Variants in SAGE1 observed in about 807,000 individuals in gnomAD.
SAGE1 encodes cancer/testis antigen 14.
Under a neutral mutation model 55.4 loss-of-function variants are expected in SAGE1, and 55 were observed. That is an observed-to-expected ratio of 0.99 (90% CI 0.80 to 1.24). SAGE1 has a LOEUF of 1.24. Among genes scored for constraint, SAGE1 ranks in the 50% most tolerant of loss-of-function variants. The pLI is 0.00. For synonymous variants in SAGE1, 240 were observed against 244.3 expected, an observed-to-expected ratio of 0.98 and a Z score of 0.17; for missense variants, 710 against 704.4, an observed-to-expected ratio of 1.01 and a Z score of -0.09.
Position 135,911,246 on chromosome X carries a change from C to A in SAGE1, c.2060C>A (p.Ala687Glu), listed in dbSNP as rs781824560. Residue 687 changes from alanine to glutamate, a missense_variant, in exon 17 of 20, where the codon GCA becomes GAA. Ala to Glu is a moderately radical substitution (Grantham distance 107). Coordinates refer to ENST00000370709, the MANE Select transcript of SAGE1 (RefSeq NM_001381902.1). The stretch of plus-strand genomic sequence containing the variant: ...GAGAAGATGACAAATGGCCAACAGG[C>A]ACCTGATAACTCCTTGTCAACGGTT... ...HEEKMTNGQQAPDNSLSTVPP... is the reference protein window; with the variant it reads ...HEEKMTNGQQEPDNSLSTVPP... 2.5e-5 allele frequency: 30 copies of A among 1,206,271 alleles called. No homozygotes were observed. The highest frequency in any genetic ancestry group is 3.5e-5 in the South Asian group (2 of 56,708).
chrX:135,906,422 A>G lies in SAGE1; in HGVS notation c.607A>G (p.Thr203Ala), dbSNP rs145404090. 739 of 1,208,412 alleles carry G rather than the reference A, an allele frequency of 6.1e-4. No individual in the cohort carries two copies. The highest frequency in any genetic ancestry group is 7.8e-4 in the Non-Finnish European group (701 of 894,100). ...CCTTTGGTTTCCAGATGCTACAGTC[A>G]CTCACAATGTCTGTGAACAGAAGAT... ...MSARDLYATV[T>A]HNVCEQKMEN... The change falls in exon 7 of 20, where the codon ACT (threonine) becomes GCT (alanine). Residue 203 changes from threonine to alanine, a missense_variant. Transcript: ENST00000370709.
At position 135,909,772 on chromosome X, in the gene SAGE1, G is replaced by A. The variant is rs1556605051; in HGVS notation, c.1716G>A (p.Arg572=). ...TVAGIPAMST[R]DQYATVTHNV... The stretch of plus-strand genomic sequence containing the variant: ...CTGGTATTCCGGCCATGAGTACCAG[G>A]GATCAGTGTATGTTTGCTTATTCAG... Residue 572 remains arginine, a synonymous_variant, in exon 14 of 20, where the codon AGG becomes AGA. Transcript: ENST00000370709. The A allele has an allele frequency of 8.3e-7, 1 of 1,198,819 alleles. No individual in the cohort carries two copies. Among genetic ancestry groups the A allele is most frequent in the Non-Finnish European group, 1.1e-6 (1 of 888,820 alleles).
chrX:135,897,422 A>C (rs2088603687), intron 2 of SAGE1, among the ~76,000 whole-genome samples: 1 of 111,805 alleles, frequency 8.9e-6, no homozygotes, highest in African/African-American at 3.3e-5. Context: ...CTTTTTTAAC[A>C]ATAGTCATAA....
Position 135,901,825 on chromosome X carries a change from T to A in SAGE1, c.220+134T>A, listed in dbSNP as rs1231387945. Reference sequence around the variant, plus strand: ...TCTAATTAGGTGCAACAATTTGGAGTTGTTGCAAGCGTTAGATGAATGAAG... The same window carrying A: ...TCTAATTAGGTGCAACAATTTGGAGATGTTGCAAGCGTTAGATGAATGAAG... On this transcript the variant is annotated intron_variant, in intron 3 of 19. Coordinates refer to ENST00000370709, the MANE Select transcript of SAGE1 (RefSeq NM_001381902.1). 4.8e-6 allele frequency: 3 copies of A among 619,418 alleles called. No individual in the cohort carries two copies. In the African/African-American group the frequency reaches 6.8e-5, roughly 14 times the overall value. 51.0% of individuals were successfully genotyped at this position (619,418 alleles called of 1,213,427 possible).
intron 1 of SAGE1, among the ~76,000 whole-genome samples, 129 bp downstream of exon 1, chrX:135,893,910 T>C (rs1196310459): frequency 8.9e-6 from 1 of 112,221 alleles, no homozygotes; most frequent in Non-Finnish European, 1.9e-5. Flanking sequence ...TGCTAAGTAC[T>C]GGTATTATTT....
At chrX:135,906,881 A>G (rs782352416) in intron 7 of SAGE1, 45 bp from the exon 8 acceptor site, 23 of 1,183,227 alleles carry the variant, frequency 1.9e-5, no homozygotes, top group South Asian at 7.5e-5. Flanking sequence ...TGGGGTTACC[A>G]TAATACACTT....
chrX:135,907,919 ATTG>A, intron 10 of SAGE1, 78 bp downstream of exon 10: 4 of 1,095,514 alleles, frequency 3.7e-6, no homozygotes, highest in Non-Finnish European at 5.0e-6. Context: ...AGAAGACGGT[ATTG>A]TTGTATTATG....
intron 8 of SAGE1, 86 bp from the exon 9 acceptor site, chrX:135,907,227 C>A (rs1220167938): frequency 6.9e-5 from 75 of 1,090,331 alleles, no homozygotes; most frequent in African/African-American, 9.2e-5. Flanking sequence ...GCAATAATTT[C>A]TTAGAAGCTG....
At chrX:135,900,147 A>G (rs781971565) in intron 2 of SAGE1, among the ~76,000 whole-genome samples, 5 of 110,538 alleles carry the variant, frequency 4.5e-5, no homozygotes, top group Non-Finnish European at 7.6e-5. Flanking sequence ...TATGGCTCTT[A>G]TTATTTTGAG....
At position 135,913,001 on chromosome X, in the gene SAGE1, C is replaced by A; in HGVS notation, c.*104C>A. 1.9e-6 allele frequency: 1 copy of A among 513,195 alleles called. No homozygotes were observed. Among genetic ancestry groups the A allele is most frequent in the African/African-American group, 2.4e-5 (1 of 41,951 alleles). 42.3% of individuals were successfully genotyped at this position (513,195 alleles called of 1,213,427 possible). ...ATCCTGAAATGAAGAGAATTCCCTT[C>A]CAGAAGCTACGAAAAAGGGAGCTGT... On this transcript the variant is annotated 3_prime_UTR_variant, in exon 20 of 20. Coordinates refer to ENST00000370709, the MANE Select transcript of SAGE1 (RefSeq NM_001381902.1).
At position 135,909,035 on chromosome X, in the gene SAGE1, C is replaced by A. The variant is rs782598758; in HGVS notation, c.1582+31C>A. 6.1e-5 allele frequency: 71 copies of A among 1,167,322 alleles called. 1 individual carries two copies. In the East Asian group the frequency reaches 1.9e-3, roughly 31 times the overall value. On this transcript the variant is annotated intron_variant, in intron 13 of 19. Coordinates refer to ENST00000370709, the MANE Select transcript of SAGE1 (RefSeq NM_001381902.1). Reference sequence around the variant, plus strand: ...TCTGTTAATTAGTTGTACTGTCATACTTGGTTTACATATGCATGCATATTT... The same window carrying A: ...TCTGTTAATTAGTTGTACTGTCATAATTGGTTTACATATGCATGCATATTT...
intron 3 of SAGE1, 106 bp downstream of exon 3, chrX:135,901,797 G>T: frequency 1.3e-6 from 1 of 778,193 alleles, no homozygotes; most frequent in Non-Finnish European, 1.8e-6. Context: ...GGAAGGGCAA[G>T]GTTCTAATTA....
intron 12 of SAGE1, 106 bp from the exon 13 acceptor site, chrX:135,908,758 C>T: frequency 1.9e-6 from 2 of 1,077,549 alleles, no homozygotes; most frequent in South Asian, 2.1e-5. Context: ...ATGTATTATC[C>T]TGCTTTATGG....
rs782107443 is a variant in SAGE1, at chrX:135,911,684, C to T, written c.2252C>T (p.Thr751Ile). ...GATTCACCAGAGCTGATAAATATGA[C>T]AGGACATTGTATGCCACCCAATGCA... ...NSDSPELINM[T>I]GHCMPPNALD... is the part of the protein sequence containing the mutation. The change falls in exon 18 of 20, where the codon ACA becomes ATA. Residue 751 changes from threonine (T) to isoleucine (I), a missense_variant. Coordinates refer to ENST00000370709, the MANE Select transcript of SAGE1 (RefSeq NM_001381902.1). 20 of 1,208,567 alleles carry T rather than the reference C, an allele frequency of 1.7e-5. No homozygotes were observed. In the South Asian group the frequency reaches 3.5e-4, roughly 21 times the overall value.
intron 3 of SAGE1, 94 bp downstream of exon 3, chrX:135,901,785 G>T: frequency 1.2e-6 from 1 of 853,398 alleles, no homozygotes; most frequent in Non-Finnish European, 1.6e-6. Context: ...ACATTTGCAA[G>T]TGGAAGGGCA....
At chrX:135,894,341 G>A (rs1324950544) in intron 1 of SAGE1, among the ~76,000 whole-genome samples, 2 of 113,005 alleles carry the variant, frequency 1.8e-5, no homozygotes, top group Non-Finnish European at 3.7e-5. Context: ...CAAAGTGCTG[G>A]GATTACAGGC....
rs781949967 is a variant in SAGE1 at position 135,897,758 on chromosome X, C to T, written c.87+1429C>T. On this transcript the variant is annotated intron_variant, in intron 2 of 19. Transcript: ENST00000370709. Reference sequence around the variant, plus strand: ...ACGTGTGGCATGGTGGCTTACTGCACCTATGAACCCATCACCTTGGTATTA... The same window carrying T: ...ACGTGTGGCATGGTGGCTTACTGCATCTATGAACCCATCACCTTGGTATTA... Among the ~76,000 whole-genome samples, 4 of 111,025 alleles carry T rather than the reference C, an allele frequency of 3.6e-5. No homozygotes were observed. The East Asian group carries it at 1.1e-3, about 32-fold the overall frequency.
rs2088806421 is a variant in SAGE1, at chrX:135,907,006, T to C, written c.817T>C (p.Ser273Pro). The C allele has an allele frequency of 8.3e-7, 1 of 1,210,208 alleles. No individual in the cohort carries two copies. The highest frequency in any genetic ancestry group is 1.7e-5 in the African/African-American group (1 of 57,682). ...ACCTGATAACATCTTGTCAACTGCT[T>C]CAACAGGGCTTATTAATGTGGCAGG... ...PQPDNILSTA[S>P]TGLINVAGAG... The change falls in exon 8 of 20, where the codon TCA (serine) becomes CCA (proline). Residue 273 changes from serine (S) to proline (P), a missense_variant. Transcript: ENST00000370709.
intron 17 of SAGE1, 97 bp downstream of exon 17, chrX:135,911,429 C>T (rs1213244416): frequency 6.0e-6 from 6 of 998,147 alleles, no homozygotes; most frequent in South Asian, 4.4e-5. Context: ...TTATCTTACT[C>T]AAACTTAGTT....
Sources: allele counts gnomAD v4.1 joint callset (sites outside exome capture counted in the v4.1 genomes callset), GRCh38; gene constraint gnomAD v4.1.1; transcripts MANE v1.5; gene names NCBI Gene and HGNC (gene_info 2026-07-23, HGNC 2026-07-21).